The following CEACAM4 variants were observed in gnomAD, a reference collection of about 807,000 sequenced individuals.
CEACAM4 encodes cell adhesion molecule CEACAM4.
CEACAM4 carries 30 observed loss-of-function variants against 28.7 expected under a neutral mutation model. The observed-to-expected ratio is 1.05, with a 90% CI of 0.78 to 1.42. The LOEUF (loss-of-function observed/expected upper bound fraction) is 1.42. CEACAM4 is among the 40% of genes most tolerant of loss of function. CEACAM4 has a pLI of 0.00. For synonymous variants in CEACAM4, 143 were observed against 126.5 expected (o/e 1.13, Z -0.87); for missense variants, 330 against 308.2 (o/e 1.07, Z -0.53).
intron 2 of CEACAM4, among the ~76,000 whole-genome samples, chr19:41,622,849 T>TAC (rs1555802202): frequency 1.8e-5 from 2 of 111,254 alleles, no homozygotes; most frequent in Non-Finnish European, 3.4e-5. Context: ...TATATATACA[T>TAC]ATATATAGAT....
At chr19:41,616,243 G>T (rs965785461), downstream of CEACAM4, among the ~76,000 whole-genome samples, 1 of 151,984 alleles carries the variant, frequency 6.6e-6, no homozygotes, top group Non-Finnish European at 1.5e-5. Context: ...TGTTGGTCAG[G>T]CTGGTCTCGA....
chr19:41,625,461 G>A lies in CEACAM4; in HGVS notation c.424+140C>T, dbSNP rs1568659467. On this transcript the variant is annotated intron_variant, in intron 2 of 6. Transcript: ENST00000221954. ...ATCTGTTGAAGTTTACCTACCATGT[G>A]TGTGTCCTGCACTAAATGCCCAAAT... The A allele has an allele frequency of 6.3e-6, 6 of 950,086 alleles. No individual in the cohort carries two copies. The East Asian group carries it at 1.5e-4, about 23-fold the overall frequency. 58.9% of individuals were successfully genotyped at this position (950,086 alleles called of 1,614,324 possible). A position where few individuals can be genotyped will look rare whatever the true frequency, so the allele number is the denominator to read the frequency against.
At chr19:41,615,550 G>A (rs1489051404), downstream of CEACAM4, among the ~76,000 whole-genome samples, 1 of 152,076 alleles carries the variant, frequency 6.6e-6, no homozygotes, top group African/African-American at 2.4e-5. Context: ...CAAGGCCCCT[G>A]GTGAGAGAGG....
At chr19:41,626,763 T>C (rs2071691065) in intron 1 of CEACAM4, 137 bp downstream of exon 1, 3 of 641,956 alleles carry the variant, frequency 4.7e-6, no homozygotes, top group South Asian at 1.9e-5. Context: ...TTATCCAGCC[T>C]CCAACAGAGG....
chr19:41,625,657 C>A lies in CEACAM4; in HGVS notation c.368G>T (p.Arg123Leu), dbSNP rs147125003. The A allele has an allele frequency of 1.5e-4, 235 of 1,606,908 alleles. No individual in the cohort carries two copies. The highest frequency in any genetic ancestry group is 2.5e-4 in the Admixed American group (15 of 59,558). Reference protein sequence around the residue: ...TLEDAGSYTLRTINASYDSDQ... With the variant: ...TLEDAGSYTLLTINASYDSDQ... ...AGAGTCGTAACTGGCATTTATGGTT[C>A]GTAGGGTGTAGGATCCTGCGTCCTC... The change falls in exon 2 of 7, where the codon CGA (arginine) becomes CTA (leucine). Residue 123 changes from arginine (R) to leucine (L), a missense_variant. Coordinates refer to ENST00000221954, the MANE Select transcript of CEACAM4 (RefSeq NM_001817.4).
chr19:41,623,942 C>A (rs879991911), intron 2 of CEACAM4, among the ~76,000 whole-genome samples: 2 of 152,128 alleles, frequency 1.3e-5, no homozygotes, highest in Non-Finnish European at 2.9e-5. Flanking sequence ...CCCCTGAAAA[C>A]CTTCCCACAG....
At chr19:41,623,875 A>C (rs797040136) in intron 2 of CEACAM4, among the ~76,000 whole-genome samples, 9 of 152,314 alleles carry the variant, frequency 5.9e-5, no homozygotes, top group African/African-American at 2.2e-4. Context: ...AGTGAGAACC[A>C]GGTAGAGCTC....
chr19:41,626,845 CCAGT>C, intron 1 of CEACAM4, 51 bp downstream of exon 1: 4 of 1,512,614 alleles, frequency 2.6e-6, no homozygotes, highest in South Asian at 2.3e-5. Flanking sequence ...CCAAGAGACC[CCAGT>C]CAGTCTCTGT....
rs373088200 is a variant in CEACAM4, at chr19:41,625,714, T to C, written c.311A>G (p.Asn104Ser). The C allele has an allele frequency of 7.4e-6, 12 of 1,613,892 alleles. No homozygotes were observed. The highest frequency in any genetic ancestry group is 2.7e-5 in the African/African-American group (2 of 74,876). The change falls in exon 2 of 7, where the codon AAT becomes AGT. Residue 104 changes from asparagine (N) to serine (S), a missense_variant. Coordinates refer to ENST00000221954, the MANE Select transcript of CEACAM4 (RefSeq NM_001817.4). Reference protein sequence around the residue: ...AYSGRETVYPNGSLLFQNITL... With the variant: ...AYSGRETVYPSGSLLFQNITL... ...GATGTTTTGGAACAGCAGGGATCCA[T>C]TGGGGTATACTGTCTCTCGACCACT...
chr19:41,614,289 C>G (rs1191564859), downstream of CEACAM4, among the ~76,000 whole-genome samples: 1 of 152,176 alleles, frequency 6.6e-6, no homozygotes, highest in Non-Finnish European at 1.5e-5. Context: ...TATGAAGTAC[C>G]CTGTGCTGGG....
At chr19:41,622,816 T>TA (rs1204106971) in intron 2 of CEACAM4, among the ~76,000 whole-genome samples, 13 of 152,116 alleles carry the variant, frequency 8.5e-5, no homozygotes, top group African/African-American at 2.7e-4. Context: ...ATCCAGGTGT[T>TA]ACAGTGAGTT....
At chr19:41,616,333 C>T (rs1174965473), downstream of CEACAM4, among the ~76,000 whole-genome samples, 4 of 152,124 alleles carry the variant, frequency 2.6e-5, no homozygotes, top group Non-Finnish European at 2.9e-5. Context: ...CTCTCGGCCG[C>T]GGTGTGGATT....
the CEACAM4 span, among the ~76,000 whole-genome samples, chr19:41,613,847 G>T: frequency 6.6e-6 from 1 of 152,132 alleles, no homozygotes; most frequent in African/African-American, 2.4e-5. Flanking sequence ...TGGAGAACTG[G>T]AAACTATTTC....
At chr19:41,621,621 TG>T in intron 3 of CEACAM4, 29 bp downstream of exon 3, 1 of 1,275,148 alleles carries the variant, frequency 7.8e-7, no homozygotes, top group Non-Finnish European at 1.1e-6. Flanking sequence ...AGCCTAGGGG[TG>T]GGAGGAGGCT....
At chr19:41,623,910 A>G (rs8104928) in intron 2 of CEACAM4, among the ~76,000 whole-genome samples, 17,498 of 152,084 alleles carry the variant, frequency 0.12, 1,910 homozygotes, top group East Asian at 0.4. Context: ...AACGTGTGGG[A>G]CTACCCGCAA....
chr19:41,615,023 G>T (rs1186912462), downstream of CEACAM4, among the ~76,000 whole-genome samples: 1 of 152,142 alleles, frequency 6.6e-6, no homozygotes, highest in Admixed American at 6.5e-5. Context: ...ACATCACAAA[G>T]GTTGGAACCT....
At position 41,621,717 on chromosome 19, in the gene CEACAM4, C is replaced by G. The variant is rs1555801623; in HGVS notation, c.476G>C (p.Gly159Ala). Residue 159 changes from glycine to alanine, a missense_variant, in exon 3 of 7, where the codon GGG becomes GCG. Physicochemically the swap from Gly to Ala is moderately conservative, Grantham distance 60. Transcript: ENST00000221954. ...PVGAVAGIVT[G>A]VLVGVALVAA... ...CACCAGAGCCACCCCAACCAGGACC[C>G]CAGTCACGATGCCAGCGACGGCCCC... 6.2e-7 allele frequency: 1 copy of G among 1,613,462 alleles called. No homozygotes were observed. Among genetic ancestry groups the G allele is most frequent in the Admixed American group, 1.7e-5 (1 of 60,012 alleles).
At chr19:41,618,000 A>AGTGGCAGAACACTCTTGGG (rs587676745), downstream of CEACAM4, among the ~76,000 whole-genome samples, 4 of 151,488 alleles carry the variant, frequency 2.6e-5, no homozygotes, top group South Asian at 8.3e-4. Flanking sequence ...CAGGACGAAC[A>AGTGGCAGAACACTCTTGGG]ACCTGTGGCA....
intron 2 of CEACAM4, 146 bp from the exon 3 acceptor site, chr19:41,621,914 A>T (rs2122519551): frequency 3.4e-6 from 2 of 586,610 alleles, no homozygotes; most frequent in South Asian, 2.4e-5. Context: ...CTCATAGCTG[A>T]CTCCCTTGCT....
Sources: allele counts gnomAD v4.1 joint callset (sites outside exome capture counted in the v4.1 genomes callset), GRCh38; gene constraint gnomAD v4.1.1; transcripts MANE v1.5; gene names NCBI Gene and HGNC (gene_info 2026-07-23, HGNC 2026-07-21).